CFAP46: variants seen among roughly 807,000 people sequenced by gnomAD.
CFAP46 encodes the protein cilia- and flagella-associated protein 46.
CFAP46 carries 245 observed loss-of-function variants against 325.7 expected under a neutral mutation model. That is an observed-to-expected ratio of 0.75 (90% CI 0.68 to 0.84). The LOEUF is 0.84. Among genes scored for constraint, CFAP46 ranks in the 40% least tolerant of loss-of-function variants. The pLI is 0.00. For synonymous variants in CFAP46, 1,523 were observed against 1,495.9 expected (o/e 1.02, Z -0.42); for missense variants, 3,346 against 3,543.0 (o/e 0.94, Z 1.41).
Position 132,908,357 on chromosome 10 carries a change from G to A in CFAP46, c.2924+111C>T, listed in dbSNP as rs887891702. On this transcript the variant is annotated intron_variant, in intron 22 of 57. Transcript: ENST00000368586. ...CGGCCCAGGCCCGCGCTCCCTGCCC[G>A]TTTTGGGGAACTGGTGGGGCGCTCA... The A allele has an allele frequency of 8.7e-5, 117 of 1,348,034 alleles. 1 individual carries two copies. The highest frequency in any genetic ancestry group is 4.9e-4 in the South Asian group (37 of 75,980). The allele number at this position is 1,348,034 out of a possible 1,614,324, so 83.5% of individuals were successfully genotyped here. A position where few individuals can be genotyped will look rare whatever the true frequency, so the allele number is the denominator to read the frequency against.
At chr10:132,898,608 C>T (rs1849348424) in intron 24 of CFAP46, 2 of 369,494 alleles carry the variant, frequency 5.4e-6, no homozygotes, top group Middle Eastern at 9.5e-4. Flanking sequence ...TCAGGGCCAC[C>T]CTCTCTCATG....
chr10:132,881,643 G>T (rs908175790), intron 27 of CFAP46, among the ~76,000 whole-genome samples: 6 of 151,806 alleles, frequency 4.0e-5, no homozygotes, highest in Admixed American at 3.3e-4. Context: ...GCGAGCCGGG[G>T]TTAGCCTGCA....
intron 45 of CFAP46, 47 bp downstream of exon 45, chr10:132,836,770 C>A (rs758509231): frequency 1.9e-5 from 28 of 1,512,338 alleles, no homozygotes; most frequent in Admixed American, 1.7e-4. Context: ...CTCCCTGAGG[C>A]CTCTCAGCGG....
chr10:132,867,651 G>T, intron 33 of CFAP46, 144 bp from the exon 34 acceptor site: 5 of 1,124,664 alleles, frequency 4.4e-6, no homozygotes, highest in South Asian at 1.7e-5. Context: ...AAATCCTCAG[G>T]ATCTAACGGC....
rs547387612 is a variant in CFAP46 at position 132,924,003 on chromosome 10, G to C, written c.1256+693C>G. Among the ~76,000 whole-genome samples the C allele has an allele frequency of 1.1e-4, 16 of 152,082 alleles. 1 individual carries two copies. Among genetic ancestry groups the C allele is most frequent in the Admixed American group, 2.0e-4 (3 of 15,270 alleles). ...AGGAAGGTAGCAGACAGGGAGCGGGGGCTGAGCCGGCGGACTCAGAGTCAA... is the reference window on the plus strand; with the variant it reads ...AGGAAGGTAGCAGACAGGGAGCGGGCGCTGAGCCGGCGGACTCAGAGTCAA... On this transcript the variant is annotated intron_variant, in intron 11 of 57. Coordinates refer to ENST00000368586, the MANE Select transcript of CFAP46 (RefSeq NM_001200049.3).
rs148661838 is a variant in CFAP46, at chr10:132,827,642, G to A, written c.7117+5716C>T. ...GCTGCCTGCATTTAAAGTGAGCAACGTGACGGGACTGGACGCTGCACGCCA... is the reference window on the plus strand; with the variant it reads ...GCTGCCTGCATTTAAAGTGAGCAACATGACGGGACTGGACGCTGCACGCCA... On this transcript the variant is annotated intron_variant, in intron 50 of 57. Coordinates refer to ENST00000368586, the MANE Select transcript of CFAP46 (RefSeq NM_001200049.3). The surrounding 1 kb of genome is among the most constrained non-coding windows in gnomAD (Gnocchi z 5.7). Among the ~76,000 whole-genome samples, 1,646 of 152,128 alleles carry A rather than the reference G, an allele frequency of 0.011. 14 individuals are homozygous for A. Among genetic ancestry groups the A allele is most frequent in the Non-Finnish European group, 0.017 (1,153 of 68,004 alleles).
rs1849746321 is a variant in CFAP46 at position 132,922,711 on chromosome 10, G to T, written c.1257-3C>A. ...GACAGCGGAGAAGCGTCATGAGGCTGCGGGGGTGGCGTGGCATCAGGGGCC... is the reference window on the plus strand; with the variant it reads ...GACAGCGGAGAAGCGTCATGAGGCTTCGGGGGTGGCGTGGCATCAGGGGCC... On this transcript the variant is annotated splice_region_variant and splice_polypyrimidine_tract_variant and intron_variant, in intron 11 of 57. Transcript: ENST00000368586. 1.3e-5 allele frequency: 20 copies of T among 1,543,230 alleles called. No individual in the cohort carries two copies. The highest frequency in any genetic ancestry group is 1.7e-5 in the Non-Finnish European group (19 of 1,141,598).
At chr10:132,907,092 G>A (rs1301287859) in intron 22 of CFAP46, among the ~76,000 whole-genome samples, 1 of 152,286 alleles carries the variant, frequency 6.6e-6, no homozygotes, top group African/African-American at 2.4e-5. Context: ...AGCCGTCCTG[G>A]TGTGCAGGGC....
rs1849224478 is a variant in CFAP46 at position 132,889,431 on chromosome 10, C to A, written c.3304+2902G>T. Among the ~76,000 whole-genome samples the A allele has an allele frequency of 6.6e-6, 1 of 152,206 alleles. No individual in the cohort carries two copies. The highest frequency in any genetic ancestry group is 2.1e-4 in the South Asian group (1 of 4,828). On this transcript the variant is annotated intron_variant, in intron 25 of 57. Transcript: ENST00000368586. This position sits in a 1 kb window ranked among gnomAD's most constrained non-coding sequence, Gnocchi z 6.0. ...ACTGTGGCCTTCACACTCTGCCAGGCCCTCCTCACCCAGGCACTGGCCAGA... is the reference window on the plus strand; with the variant it reads ...ACTGTGGCCTTCACACTCTGCCAGGACCTCCTCACCCAGGCACTGGCCAGA...
chr10:132,837,054 G>GGGGT lies in CFAP46; in HGVS notation c.6439-144_6439-141dup. ...CCTTCCTGCCCGAGGCTGGGCCCTT[G>GGGGT]GGGTGGGGGGCCCTGCTGGAAGTGA... On this transcript the variant is annotated intron_variant, in intron 44 of 57. Coordinates refer to ENST00000368586, the MANE Select transcript of CFAP46 (RefSeq NM_001200049.3). The GGGGT allele has an allele frequency of 4.6e-6, 3 of 646,596 alleles. No homozygotes were observed. In the Admixed American group the frequency reaches 8.1e-5, roughly 17 times the overall value. The allele number at this position is 646,596 out of a possible 1,614,324, so 40.1% of individuals were successfully genotyped here.
intron 50 of CFAP46, among the ~76,000 whole-genome samples, chr10:132,820,101 G>C (rs974222245): frequency 5.3e-5 from 8 of 150,830 alleles, no homozygotes; most frequent in Non-Finnish European, 1.2e-4. Flanking sequence ...TTTCTCTAAA[G>C]AAGACATAAA....
In CFAP46 at chr10:132,885,001, T is replaced by A. The variant is rs878883670; in HGVS notation, c.3627+102A>T. 1.4e-4 allele frequency: 172 copies of A among 1,269,852 alleles called. No homozygotes were observed. The South Asian group carries it at 1.9e-3, about 14-fold the overall frequency. 78.7% of individuals were successfully genotyped at this position (1,269,852 alleles called of 1,614,324 possible). On this transcript the variant is annotated intron_variant, in intron 27 of 57. Coordinates refer to ENST00000368586, the MANE Select transcript of CFAP46 (RefSeq NM_001200049.3). ...GCCCGTCAGCTGTGGCTGCTCTGCG[T>A]GCTGCCCCACACCAGGTCCCTGCTG...
rs1848095007 is a variant in CFAP46, at chr10:132,828,421, G to T, written c.7117+4937C>A. ...AGGTGTGCAGGGGTATTCCATTGTG[G>T]TTTCCATTTGCATTTCCTTGATAAT... is the stretch of plus-strand genomic sequence containing the variant. On this transcript the variant is annotated intron_variant, in intron 50 of 57. Coordinates refer to ENST00000368586, the MANE Select transcript of CFAP46 (RefSeq NM_001200049.3). The surrounding 1 kb of genome is among the most constrained non-coding windows in gnomAD (Gnocchi z 4.9). Among the ~76,000 whole-genome samples, 5 of 152,168 alleles carry T rather than the reference G, an allele frequency of 3.3e-5. No individual in the cohort carries two copies. The highest frequency in any genetic ancestry group is 2.6e-4 in the Admixed American group (4 of 15,276).
chr10:132,910,221 C>A (rs529159458), intron 19 of CFAP46, 153 bp from the exon 20 acceptor site: 1 of 652,782 alleles, frequency 1.5e-6, no homozygotes, highest in Middle Eastern at 4.5e-4. Context: ...AGCGGCTGCA[C>A]CACAAACCCA....
rs1301334914 is a variant in CFAP46, at chr10:132,877,578, C to T, written c.4212+303G>A. On this transcript the variant is annotated intron_variant, in intron 30 of 57. Transcript: ENST00000368586. The surrounding 1 kb of genome is among the most constrained non-coding windows in gnomAD (Gnocchi z 5.7). ...TGCATTACGTGGCTAGCTCCAGGCC[C>T]GGGATTCCTGCCAGGGACAAGCCAG... 3.3e-5 allele frequency among the ~76,000 whole-genome samples: 5 copies of T among 152,208 alleles called. No individual in the cohort carries two copies. Among genetic ancestry groups the T allele is most frequent in the South Asian group, 2.1e-4 (1 of 4,828 alleles).
At chr10:132,820,735 A>ACTGATGTGTGCTGTGTGTG (rs1847784672) in intron 50 of CFAP46, among the ~76,000 whole-genome samples, 1 of 44,404 alleles carries the variant, frequency 2.3e-5, no homozygotes. Flanking sequence ...CTGTGTGTGC[A>ACTGATGTGTGCTGTGTGTG]CTGATGTGTG....
At chr10:132,849,547 C>A (rs571961519) in intron 41 of CFAP46, among the ~76,000 whole-genome samples, 11 of 152,300 alleles carry the variant, frequency 7.2e-5, no homozygotes, top group South Asian at 2.1e-4. Context: ...AGGAAGGTGA[C>A]CTGGGGCCTT....
intron 44 of CFAP46, among the ~76,000 whole-genome samples, chr10:132,842,010 C>T (rs72855941): frequency 0.013 from 1,934 of 152,360 alleles, 24 homozygotes; most frequent in Non-Finnish European, 0.021. Flanking sequence ...TTTTGGTGAA[C>T]GGTCTAGAGC....
chr10:132,937,877 C>T (rs1044385535), intron 5 of CFAP46, among the ~76,000 whole-genome samples: 5 of 152,196 alleles, frequency 3.3e-5, no homozygotes, highest in South Asian at 4.1e-4. Flanking sequence ...CCGCTAGCAC[C>T]GGGGCATTTT....
Sources: gnomAD v4.1 joint callset for allele counts (sites outside exome capture counted in the v4.1 genomes callset) on GRCh38, gnomAD v4.1.1 for gene constraint, Gnocchi (gnomAD v3.1) non-coding constraint, MANE v1.5 for transcripts, NCBI Gene and HGNC (gene_info 2026-07-23, HGNC 2026-07-21) for gene names.